Variants in HIBADH observed in about 807,000 individuals in gnomAD.
HIBADH encodes 3-hydroxyisobutyrate dehydrogenase, mitochondrial.
A neutral mutation model predicts 36.1 loss-of-function variants in HIBADH; 25 were observed. The ratio of observed to expected loss-of-function variants is 0.69; its 90% CI spans 0.50 to 0.97. The LOEUF (loss-of-function observed/expected upper bound fraction) is 0.97. Among genes scored for constraint, HIBADH ranks in the 50% least tolerant of loss-of-function variants. The pLI, the probability that HIBADH is intolerant of heterozygous loss-of-function variation, is 0.00. For missense variants in HIBADH, 421 were observed against 418.0 expected, an observed-to-expected ratio of 1.01 and a Z score of -0.06; for synonymous variants, 160 against 149.5, an observed-to-expected ratio of 1.07 and a Z score of -0.51.
chr7:27,626,713 T>C (rs1785655312), intron 4 of HIBADH, among the ~76,000 whole-genome samples: 1 of 152,226 alleles, frequency 6.6e-6, no homozygotes, highest in Admixed American at 6.5e-5. Flanking sequence ...AAACTTCTCT[T>C]TAAAATACTA....
At chr7:27,639,735 T>TA (rs144285858) in intron 2 of HIBADH, among the ~76,000 whole-genome samples, 2 of 151,678 alleles carry the variant, frequency 1.3e-5, no homozygotes, top group Admixed American at 6.6e-5. Flanking sequence ...GTTTTTAAAT[T>TA]AAAAAAAATA....
intron 1 of HIBADH, among the ~76,000 whole-genome samples, chr7:27,652,125 C>A (rs1487323004): frequency 6.6e-6 from 1 of 152,090 alleles, no homozygotes; most frequent in Non-Finnish European, 1.5e-5. Flanking sequence ...TATATGAAGC[C>A]CATCTTACAG....
intron 4 of HIBADH, among the ~76,000 whole-genome samples, chr7:27,571,160 A>AT (rs1287465016): frequency 6.6e-6 from 1 of 151,844 alleles, no homozygotes; most frequent in Non-Finnish European, 1.5e-5. Context: ...AATTTCAATG[A>AT]TTTTTCTAAA....
chr7:27,565,182 C>T (rs921125780), intron 4 of HIBADH, among the ~76,000 whole-genome samples: 14 of 152,110 alleles, frequency 9.2e-5, no homozygotes, highest in African/African-American at 3.4e-4. Flanking sequence ...GCCCCTACAC[C>T]CCAAAACTGC....
At chr7:27,542,916 A>G (rs1784177123) in intron 5 of HIBADH, 51 bp downstream of exon 5, 1 of 1,568,768 alleles carries the variant, frequency 6.4e-7, no homozygotes, top group African/African-American at 1.4e-5. Context: ...AGAAAGGAAC[A>G]TTAGTCAATT....
chr7:27,602,957 G>A (rs1174142741), intron 4 of HIBADH, among the ~76,000 whole-genome samples: 1 of 152,062 alleles, frequency 6.6e-6, no homozygotes, highest in Admixed American at 6.6e-5. Context: ...TTGTTTATGT[G>A]GAGTTGGAAA....
chr7:27,538,994 T>C (rs1784108585), intron 5 of HIBADH, among the ~76,000 whole-genome samples: 1 of 152,114 alleles, frequency 6.6e-6, no homozygotes, highest in Non-Finnish European at 1.5e-5. Flanking sequence ...TGGAGATCAG[T>C]AAGAAAATTG....
chr7:27,573,378 A>G (rs1423538889), intron 4 of HIBADH, among the ~76,000 whole-genome samples: 1 of 152,112 alleles, frequency 6.6e-6, no homozygotes, highest in African/African-American at 2.4e-5. Context: ...GAACTTCTTT[A>G]TATCTCTGTT....
At chr7:27,657,258 T>C (rs1583625152) in intron 1 of HIBADH, among the ~76,000 whole-genome samples, 2 of 152,066 alleles carry the variant, frequency 1.3e-5, no homozygotes, top group Admixed American at 6.5e-5. Context: ...AAAACAGTAT[T>C]AGGCATCAGT....
At chr7:27,586,336 AAAAG>A (rs1211224111) in intron 4 of HIBADH, among the ~76,000 whole-genome samples, 16 of 142,358 alleles carry the variant, frequency 1.1e-4, no homozygotes, top group African/African-American at 2.9e-4. Context: ...AATGTGGAAA[AAAAG>A]AAAGAGAGAA....
chr7:27,620,499 C>CCAAAA (rs1210203911), intron 4 of HIBADH, among the ~76,000 whole-genome samples: 308 of 151,520 alleles, frequency 2.0e-3, no homozygotes, highest in African/African-American at 6.9e-3. Context: ...CAAAAACAAA[C>CCAAAA]CAAAACAAAA....
In HIBADH at chr7:27,538,324, C is replaced by T. The variant is rs375724185; in HGVS notation, c.695+17G>A. ...GCCTATAAAAATGTTAGTATAAAAA[C>T]GTACTATTCAACAAACCTGATTCCA... On this transcript the variant is annotated intron_variant, in intron 6 of 7. Coordinates refer to ENST00000265395, the MANE Select transcript of HIBADH (RefSeq NM_152740.4). 15 of 1,584,900 alleles carry T rather than the reference C, an allele frequency of 9.5e-6. No individual in the cohort carries two copies. The highest frequency in any genetic ancestry group is 9.0e-5 in the East Asian group (4 of 44,650).
At chr7:27,659,559 A>ATAAG (rs753558390) in intron 1 of HIBADH, among the ~76,000 whole-genome samples, 1 of 151,928 alleles carries the variant, frequency 6.6e-6, no homozygotes, top group South Asian at 2.1e-4. Flanking sequence ...TACAAAAAAA[A>ATAAG]TAAATAAATA....
intron 5 of HIBADH, among the ~76,000 whole-genome samples, chr7:27,541,025 T>G (rs1784141783): frequency 6.6e-6 from 1 of 152,294 alleles, no homozygotes; most frequent in East Asian, 1.9e-4. Context: ...CAGTCCTGAT[T>G]TTCAACCCAA....
At chr7:27,631,471 G>A (rs1334257335) in intron 3 of HIBADH, among the ~76,000 whole-genome samples, 2 of 152,058 alleles carry the variant, frequency 1.3e-5, no homozygotes, top group Non-Finnish European at 1.5e-5. Flanking sequence ...CCCTTCTTGT[G>A]ACTACAGTGT....
chr7:27,531,411 T>A (rs1012856678), intron 6 of HIBADH, 63 bp from the exon 7 acceptor site: 4 of 1,420,330 alleles, frequency 2.8e-6, no homozygotes, highest in Non-Finnish European at 3.8e-6. Flanking sequence ...CGTGACTTAT[T>A]TATGTATGGG....
At chr7:27,619,360 C>A (rs751995496) in intron 4 of HIBADH, among the ~76,000 whole-genome samples, 8 of 152,138 alleles carry the variant, frequency 5.3e-5, no homozygotes, top group African/African-American at 1.2e-4. Flanking sequence ...GAGACTGTTA[C>A]ACCAGATGCA....
At chr7:27,631,638 T>C (rs73684011) in intron 3 of HIBADH, among the ~76,000 whole-genome samples, 1,911 of 152,336 alleles carry the variant, frequency 0.013, 32 homozygotes, top group African/African-American at 0.039. Context: ...AAAAGGTTTC[T>C]CAGAGCCAGG....
At chr7:27,623,422 GAAAT>G (rs1785580084) in intron 4 of HIBADH, among the ~76,000 whole-genome samples, 2 of 152,244 alleles carry the variant, frequency 1.3e-5, no homozygotes, top group Admixed American at 6.5e-5. Flanking sequence ...GAAAGAGAAA[GAAAT>G]AAAAGTCATC....
Sources: allele counts gnomAD v4.1 joint callset (sites outside exome capture counted in the v4.1 genomes callset), GRCh38; gene constraint gnomAD v4.1.1; transcripts MANE v1.5; gene names NCBI Gene and HGNC (gene_info 2026-07-23, HGNC 2026-07-21).